Variants in EEPD1 observed in about 807,000 individuals in gnomAD.
EEPD1 encodes the protein endonuclease/exonuclease/phosphatase family domain containing 1, also known as endonuclease/exonuclease/phosphatase family domain-containing protein 1.
Under a neutral mutation model 46.3 loss-of-function variants are expected in EEPD1, and 17 were observed. The ratio of observed to expected loss-of-function variants is 0.37; its 90% CI spans 0.25 to 0.55. EEPD1 has a LOEUF of 0.55. Among genes scored for constraint, EEPD1 ranks in the 20% least tolerant of loss-of-function variants. The probability of loss-of-function intolerance (pLI) is 0.83; values close to 1 mark genes in which losing one functional copy is unlikely to be tolerated. For synonymous variants in EEPD1, 313 were observed against 315.6 expected, an observed-to-expected ratio of 0.99 and a Z score of 0.09; for missense variants, 673 against 745.6, an observed-to-expected ratio of 0.90 and a Z score of 1.13.
chr7:36,243,311 T>C (rs1159561490), intron 3 of EEPD1, among the ~76,000 whole-genome samples: 1 of 150,822 alleles, frequency 6.6e-6, no homozygotes, highest in Non-Finnish European at 1.5e-5. Context: ...AAGCCTGGTT[T>C]TTTTTTTTTT....
chr7:36,264,304 G>A (rs755928293), intron 3 of EEPD1, among the ~76,000 whole-genome samples: 3 of 152,180 alleles, frequency 2.0e-5, no homozygotes, highest in Non-Finnish European at 2.9e-5. Context: ...GGGTCAGGAC[G>A]ATAGACATGG....
chr7:36,266,688 T>C (rs1185197794), intron 3 of EEPD1, among the ~76,000 whole-genome samples: 1 of 152,216 alleles, frequency 6.6e-6, no homozygotes, highest in East Asian at 1.9e-4. Context: ...AAGATATTTT[T>C]ATCATCCAAA....
intron 2 of EEPD1, among the ~76,000 whole-genome samples, chr7:36,230,054 TC>T (rs1786296091): frequency 6.6e-6 from 1 of 151,990 alleles, no homozygotes; most frequent in Admixed American, 6.6e-5. Flanking sequence ...ACTGCTTGGC[TC>T]CCTAAGTAGA....
chr7:36,247,130 A>G (rs986323573), intron 3 of EEPD1, among the ~76,000 whole-genome samples: 1 of 152,032 alleles, frequency 6.6e-6, no homozygotes, highest in East Asian at 1.9e-4. Flanking sequence ...CTCAAAAAAA[A>G]AAAAAAAAAG....
intron 2 of EEPD1, among the ~76,000 whole-genome samples, chr7:36,184,650 C>A (rs1268429555): frequency 6.6e-6 from 1 of 152,048 alleles, no homozygotes; most frequent in Admixed American, 6.6e-5. Context: ...CTGTTGATCC[C>A]CTTTTAAGAA....
In EEPD1 at chr7:36,159,001, A is replaced by AT. The variant is rs560866596; in HGVS notation, c.878+3806dup. ...TTTAGCCCTGTAATGGCTTAAATCAATTTTTTTGCCACATGTCTGTGATAT... is the reference window on the plus strand; with the variant it reads ...TTTAGCCCTGTAATGGCTTAAATCAATTTTTTTTGCCACATGTCTGTGATAT... On this transcript the variant is annotated intron_variant, in intron 2 of 7. Coordinates refer to ENST00000242108, the MANE Select transcript of EEPD1 (RefSeq NM_030636.3). Among the ~76,000 whole-genome samples, 364 of 152,292 alleles carry AT rather than the reference A, an allele frequency of 2.4e-3. 3 individuals carry two copies. Among genetic ancestry groups the AT allele is most frequent in the South Asian group, 5.2e-3 (25 of 4,832 alleles).
intron 3 of EEPD1, among the ~76,000 whole-genome samples, chr7:36,241,204 G>A (rs752378056): frequency 2.0e-5 from 3 of 152,224 alleles, no homozygotes; most frequent in Non-Finnish European, 2.9e-5. Flanking sequence ...GGCTGGGTGC[G>A]GTGGCTCACA....
chr7:36,245,411 A>C (rs1049530047), intron 3 of EEPD1, among the ~76,000 whole-genome samples: 17 of 152,160 alleles, frequency 1.1e-4, no homozygotes, highest in Admixed American at 1.1e-3. Context: ...TGTTCTGGGA[A>C]GAGGTGAATG....
chr7:36,220,650 C>T (rs895291648), intron 2 of EEPD1, among the ~76,000 whole-genome samples: 1 of 152,210 alleles, frequency 6.6e-6, no homozygotes, highest in African/African-American at 2.4e-5. Context: ...ATGGCATCGA[C>T]TCCATCTCAT....
At chr7:36,261,127 C>T (rs550956040) in intron 3 of EEPD1, among the ~76,000 whole-genome samples, 1 of 152,130 alleles carries the variant, frequency 6.6e-6, no homozygotes, top group African/African-American at 2.4e-5. Flanking sequence ...TGTGCATGGA[C>T]GAATGGGTGG....
intron 2 of EEPD1, among the ~76,000 whole-genome samples, chr7:36,216,183 A>C (rs1331977922): frequency 6.6e-6 from 1 of 152,140 alleles, no homozygotes; most frequent in Non-Finnish European, 1.5e-5. Context: ...AAAGGAGAGG[A>C]AGGAGAGAAG....
chr7:36,212,668 A>G (rs1168043705), intron 2 of EEPD1, among the ~76,000 whole-genome samples: 1 of 150,232 alleles, frequency 6.7e-6, no homozygotes, highest in Non-Finnish European at 1.5e-5. Flanking sequence ...CTAGGGGGCC[A>G]CTGTGTAACC....
intron 2 of EEPD1, among the ~76,000 whole-genome samples, chr7:36,235,677 C>A (rs1786419799): frequency 1.3e-5 from 2 of 152,240 alleles, no homozygotes; most frequent in Non-Finnish European, 2.9e-5. Flanking sequence ...AAATGAGTGG[C>A]TGAGCAGGGT....
At chr7:36,227,183 A>T (rs2076694263) in intron 2 of EEPD1, among the ~76,000 whole-genome samples, 1 of 152,214 alleles carries the variant, frequency 6.6e-6, no homozygotes, top group South Asian at 2.1e-4. Context: ...TAATTTTCTT[A>T]AAAAATAGAA....
At chr7:36,220,544 A>G (rs1379361727) in intron 2 of EEPD1, among the ~76,000 whole-genome samples, 3 of 152,168 alleles carry the variant, frequency 2.0e-5, no homozygotes, top group Non-Finnish European at 4.4e-5. Flanking sequence ...GATGAAAGAA[A>G]GAGGTACCTG....
intron 3 of EEPD1, among the ~76,000 whole-genome samples, chr7:36,272,207 G>A (rs1787118931): frequency 6.7e-6 from 1 of 150,262 alleles, no homozygotes; most frequent in Admixed American, 6.6e-5. Context: ...AAAAAAAAAA[G>A]CCGATGAAAT....
intron 2 of EEPD1, among the ~76,000 whole-genome samples, chr7:36,183,313 G>T (rs1785306664): frequency 6.6e-6 from 1 of 152,200 alleles, no homozygotes; most frequent in South Asian, 2.1e-4. Context: ...ACATAATAAG[G>T]ACCCGGTCAG....
chr7:36,275,463 T>A (rs1787167111), intron 3 of EEPD1, among the ~76,000 whole-genome samples: 1 of 152,130 alleles, frequency 6.6e-6, no homozygotes, highest in South Asian at 2.1e-4. Context: ...TTATTTATTT[T>A]TGAGACAGAA....
intron 2 of EEPD1, among the ~76,000 whole-genome samples, chr7:36,198,496 A>C (rs2115697333): frequency 6.6e-6 from 1 of 151,424 alleles, no homozygotes; most frequent in African/African-American, 2.4e-5. Flanking sequence ...CCCATTATTG[A>C]CAGAGATGTC....
Sources: gnomAD v4.1 joint callset for allele counts (sites outside exome capture counted in the v4.1 genomes callset) on GRCh38, gnomAD v4.1.1 for gene constraint, MANE v1.5 for transcripts, NCBI Gene and HGNC (gene_info 2026-07-23, HGNC 2026-07-21) for gene names.